EPHA6: variants seen among roughly 807,000 people sequenced by gnomAD.
EPHA6 encodes the protein EPH receptor A6.
A neutral mutation model predicts 112.0 loss-of-function variants in EPHA6; 50 were observed. The ratio of observed to expected loss-of-function variants is 0.45; its 90% CI spans 0.36 to 0.56. The LOEUF (loss-of-function observed/expected upper bound fraction) is 0.56, where lower values mean the gene tolerates loss of function less well. Among genes scored for constraint, EPHA6 ranks in the 20% least tolerant of loss-of-function variants. The pLI, the probability that EPHA6 is intolerant of heterozygous loss-of-function variation, is 0.00. For synonymous variants in EPHA6, 529 were observed against 490.7 expected (o/e 1.08, Z -1.03); for missense variants, 1,280 against 1,417.4 (o/e 0.90, Z 1.56).
At chr3:97,424,895 GA>G (rs1281935675) in intron 6 of EPHA6, among the ~76,000 whole-genome samples, 8 of 151,576 alleles carry the variant, frequency 5.3e-5, no homozygotes, top group Non-Finnish European at 1.0e-4. Flanking sequence ...CCACATGGGA[GA>G]AATTGGACAA....
intron 3 of EPHA6, among the ~76,000 whole-genome samples, chr3:97,097,567 A>G: frequency 6.6e-6 from 1 of 151,790 alleles, no homozygotes; most frequent in East Asian, 1.9e-4. Flanking sequence ...TTTAAATGGA[A>G]TAATCATATG....
chr3:97,082,822 T>C (rs1293220852), intron 3 of EPHA6, among the ~76,000 whole-genome samples: 4 of 151,884 alleles, frequency 2.6e-5, no homozygotes, highest in African/African-American at 9.7e-5. Context: ...TGCCAGTAAA[T>C]ACGATTAAAT....
At chr3:96,882,226 A>C (rs1000898985) in intron 2 of EPHA6, among the ~76,000 whole-genome samples, 4 of 152,054 alleles carry the variant, frequency 2.6e-5, no homozygotes, top group African/African-American at 9.7e-5. Flanking sequence ...TCCCTTCCAC[A>C]CTGCCTTAGC....
intron 3 of EPHA6, among the ~76,000 whole-genome samples, chr3:96,991,201 C>T (rs1313657829): frequency 1.3e-5 from 2 of 152,132 alleles, no homozygotes; most frequent in East Asian, 1.9e-4. Context: ...TAATCACTTT[C>T]TTAAGTGGTA....
intron 2 of EPHA6, among the ~76,000 whole-genome samples, chr3:96,898,951 C>A (rs1374952065): frequency 6.6e-6 from 1 of 151,468 alleles, no homozygotes; most frequent in African/African-American, 2.4e-5. Context: ...TGGCGTGAAC[C>A]CGGGAGGCGG....
intron 14 of EPHA6, among the ~76,000 whole-genome samples, chr3:97,703,740 A>T (rs2033526693): frequency 1.3e-5 from 2 of 152,204 alleles, no homozygotes; most frequent in Non-Finnish European, 2.9e-5. Flanking sequence ...GATTCCTTGA[A>T]TTGGTTCAGC....
chr3:97,049,570 A>G (rs952324057), intron 3 of EPHA6, among the ~76,000 whole-genome samples: 2 of 152,212 alleles, frequency 1.3e-5, no homozygotes, highest in African/African-American at 2.4e-5. Flanking sequence ...ATTGATCAGT[A>G]CACAAATTAT....
chr3:97,222,653 A>G (rs1451095761), intron 3 of EPHA6, among the ~76,000 whole-genome samples: 1 of 152,230 alleles, frequency 6.6e-6, no homozygotes, highest in African/African-American at 2.4e-5. Flanking sequence ...GAAAACATAT[A>G]AATCTATAGA....
chr3:97,076,998 A>G (rs1194242931), intron 3 of EPHA6, among the ~76,000 whole-genome samples: 1 of 152,130 alleles, frequency 6.6e-6, no homozygotes, highest in Non-Finnish European at 1.5e-5. Context: ...GAGATGTACA[A>G]GATTAGTGTT....
chr3:97,240,278 C>A (rs1206770798), intron 4 of EPHA6, among the ~76,000 whole-genome samples: 1 of 151,790 alleles, frequency 6.6e-6, no homozygotes, highest in East Asian at 1.9e-4. Flanking sequence ...TTAATCTTGT[C>A]TTTAACCCAG....
chr3:97,194,884 A>G (rs908310022), intron 3 of EPHA6, among the ~76,000 whole-genome samples: 4 of 151,742 alleles, frequency 2.6e-5, no homozygotes, highest in African/African-American at 9.7e-5. Context: ...GTATAGCAAC[A>G]TTTTTGGTTT....
At chr3:96,829,413 A>G (rs2033874637) in intron 1 of EPHA6, among the ~76,000 whole-genome samples, 1 of 152,068 alleles carries the variant, frequency 6.6e-6, no homozygotes, top group Non-Finnish European at 1.5e-5. Context: ...TTTGAACTCC[A>G]GACAGTTTAG....
intron 5 of EPHA6, among the ~76,000 whole-genome samples, chr3:97,287,853 A>G (rs967660631): frequency 6.6e-6 from 1 of 152,068 alleles, no homozygotes; most frequent in Non-Finnish European, 1.5e-5. Flanking sequence ...CATCAGGAAT[A>G]TTGGTCTGTA....
At chr3:97,517,529 A>G (rs1387413319) in intron 10 of EPHA6, among the ~76,000 whole-genome samples, 1 of 152,084 alleles carries the variant, frequency 6.6e-6, no homozygotes, top group Non-Finnish European at 1.5e-5. Flanking sequence ...ATAGATGTGC[A>G]TATTGTAGAA....
intron 3 of EPHA6, among the ~76,000 whole-genome samples, chr3:97,162,451 A>G (rs2076436536): frequency 6.6e-6 from 1 of 152,182 alleles, no homozygotes; most frequent in Non-Finnish European, 1.5e-5. Flanking sequence ...TGGACCAACT[A>G]TGGGACAAAA....
At chr3:97,234,328 TC>T (rs1167933343) in intron 4 of EPHA6, among the ~76,000 whole-genome samples, 2 of 152,114 alleles carry the variant, frequency 1.3e-5, no homozygotes, top group South Asian at 2.1e-4. Context: ...AAAAAAATGC[TC>T]CCAGTCCAAT....
rs571490041 is a variant in EPHA6 at position 96,988,233 on chromosome 3, T to C, written c.1114+240T>C. On this transcript the variant is annotated intron_variant, in intron 3 of 17. Transcript: ENST00000389672. ...ATACATTTATTTCAAATAATACATT[T>C]TTGAGTGGTATACTTGATAATTAAT... Among the ~76,000 whole-genome samples the C allele has an allele frequency of 5.9e-5, 9 of 152,262 alleles. No individual in the cohort carries two copies. The East Asian group carries it at 1.7e-3, about 29-fold the overall frequency.
intron 5 of EPHA6, among the ~76,000 whole-genome samples, chr3:97,262,220 C>T (rs1441209214): frequency 1.3e-5 from 2 of 152,104 alleles, no homozygotes; most frequent in African/African-American, 4.8e-5. Flanking sequence ...TTTCAAGTCT[C>T]TCACCACAAT....
chr3:96,994,464 A>G (rs1327139500), intron 3 of EPHA6, among the ~76,000 whole-genome samples: 1 of 151,978 alleles, frequency 6.6e-6, no homozygotes, highest in African/African-American at 2.4e-5. Context: ...ATGGTCTTTC[A>G]GTTTATATGT....
Sources: allele counts gnomAD v4.1 joint callset (sites outside exome capture counted in the v4.1 genomes callset), GRCh38; gene constraint gnomAD v4.1.1; transcripts MANE v1.5; gene names NCBI Gene and HGNC (gene_info 2026-07-23, HGNC 2026-07-21).